The following SYN3 variants were observed in gnomAD, a reference collection of about 807,000 sequenced individuals.
The protein encoded by SYN3 is synapsin-3.
A neutral mutation model predicts 65.8 loss-of-function variants in SYN3; 35 were observed. The ratio of observed to expected loss-of-function variants is 0.53; its 90% CI spans 0.41 to 0.70. SYN3 has a LOEUF of 0.70. Ranked by LOEUF, SYN3 falls within the 30% of genes least tolerant of loss-of-function variation. The pLI, the probability that SYN3 is intolerant of heterozygous loss-of-function variation, is 0.00. For synonymous variants in SYN3, 270 were observed against 292.9 expected, an observed-to-expected ratio of 0.92 and a Z score of 0.80; for missense variants, 680 against 749.0, an observed-to-expected ratio of 0.91 and a Z score of 1.08.
chr22:33,031,585 C>T (rs2053756269), intron 1 of SYN3, among the ~76,000 whole-genome samples: 1 of 151,998 alleles, frequency 6.6e-6, no homozygotes, highest in Non-Finnish European at 1.5e-5. Flanking sequence ...TTCTGTGTCC[C>T]CCTGTCCTTT....
intron 2 of SYN3, among the ~76,000 whole-genome samples, chr22:32,995,155 G>A (rs1249818057): frequency 6.6e-6 from 1 of 152,174 alleles, no homozygotes; most frequent in East Asian, 1.9e-4. Context: ...CACAGGCAAG[G>A]AAAGCTGCTC....
At chr22:32,656,457 T>C (rs2060143392) in intron 6 of SYN3, among the ~76,000 whole-genome samples, 1 of 152,220 alleles carries the variant, frequency 6.6e-6, no homozygotes, top group Non-Finnish European at 1.5e-5. Context: ...TTTTGAAACA[T>C]GATGCAGAAA....
At chr22:32,822,932 A>G (rs571200360) in intron 6 of SYN3, among the ~76,000 whole-genome samples, 21 of 151,448 alleles carry the variant, frequency 1.4e-4, no homozygotes, top group African/African-American at 4.9e-4. Flanking sequence ...ACAACAACAA[A>G]AAAAAAACAG....
chr22:32,572,243 C>CTCCTTCCTTCCTTTCCTTCCTTCCT (rs2058769042), intron 7 of SYN3, among the ~76,000 whole-genome samples: 1 of 112,242 alleles, frequency 8.9e-6, no homozygotes, highest in African/African-American at 3.8e-5. Context: ...CAGATTCTGG[C>CTCCTTCCTTCCTTTCCTTCCTTCCT]TCCTTCCTTC....
chr22:32,642,971 G>A (rs1189966371), intron 6 of SYN3, among the ~76,000 whole-genome samples: 4 of 152,162 alleles, frequency 2.6e-5, no homozygotes, highest in African/African-American at 7.2e-5. Flanking sequence ...GTATTAATAT[G>A]CTGATCCATA....
At position 33,018,477 on chromosome 22, in the gene SYN3, CTT is replaced by C. The variant is rs758713208; in HGVS notation, c.-162-11655_-162-11654del. Among the ~76,000 whole-genome samples the C allele has an allele frequency of 1.1e-4, 17 of 152,218 alleles. 1 individual carries two copies. Among genetic ancestry groups the C allele is most frequent in the East Asian group, 3.9e-4 (2 of 5,178 alleles). On this transcript the variant is annotated intron_variant, in intron 1 of 13. Coordinates refer to ENST00000358763, the MANE Select transcript of SYN3 (RefSeq NM_003490.4). ...TGACCAGACCAGACAGAAAAAGAGA[CTT>C]TATAAGGCAAGTTTGCAAGCTTACT...
rs181743771 is a variant in SYN3 at position 33,051,551 on chromosome 22, C to T, written c.-163+6741G>A. Among the ~76,000 whole-genome samples the T allele has an allele frequency of 6.6e-3, 779 of 117,154 alleles. 2 individuals carry two copies. The highest frequency in any genetic ancestry group is 9.5e-3 in the Non-Finnish European group (552 of 58,360). 76.9% of individuals were successfully genotyped at this position (117,154 alleles called of 152,430 possible). ...TTTAGGTAGAGGCAATAATCCATTT[C>T]CCATTAAACACAAACAAAAAAAAAA... On this transcript the variant is annotated intron_variant, in intron 1 of 13. Transcript: ENST00000358763.
intron 6 of SYN3, among the ~76,000 whole-genome samples, chr22:32,731,946 A>G (rs945442058): frequency 2.0e-5 from 3 of 152,222 alleles, no homozygotes; most frequent in African/African-American, 7.2e-5. Flanking sequence ...CATGTGTAAA[A>G]TAGGGATCAA....
In SYN3 at chr22:32,546,431, C is replaced by T. The variant is rs565202414; in HGVS notation, c.775-4718G>A. 3.3e-5 allele frequency among the ~76,000 whole-genome samples: 5 copies of T among 152,294 alleles called. No homozygotes were observed. In the South Asian group the frequency reaches 8.3e-4, roughly 25 times the overall value. On this transcript the variant is annotated intron_variant, in intron 7 of 13. Coordinates refer to ENST00000358763, the MANE Select transcript of SYN3 (RefSeq NM_003490.4). Reference sequence around the variant, plus strand: ...CTTTTATAAGGTGGATATTTCCATGCATTCTTGGGTAGGTGCTACGCTCTC... The same window carrying T: ...CTTTTATAAGGTGGATATTTCCATGTATTCTTGGGTAGGTGCTACGCTCTC...
At chr22:32,552,938 T>C (rs1398930452) in intron 7 of SYN3, among the ~76,000 whole-genome samples, 4 of 152,242 alleles carry the variant, frequency 2.6e-5, no homozygotes, top group African/African-American at 9.6e-5. Flanking sequence ...CCCACAGTTC[T>C]GGAGACTGGG....
At chr22:32,741,507 C>T (rs1041768185) in intron 6 of SYN3, among the ~76,000 whole-genome samples, 1 of 151,952 alleles carries the variant, frequency 6.6e-6, no homozygotes, top group East Asian at 1.9e-4. Context: ...AGGCGCCTGC[C>T]ACCACGTCCG....
intron 6 of SYN3, among the ~76,000 whole-genome samples, chr22:32,751,107 C>T (rs572511204): frequency 2.6e-5 from 4 of 152,036 alleles, no homozygotes; most frequent in African/African-American, 9.7e-5. Flanking sequence ...CAGCCCCCAG[C>T]CCCCAGCCGG....
chr22:32,735,213 C>T (rs1161807107), intron 6 of SYN3, among the ~76,000 whole-genome samples: 1 of 152,170 alleles, frequency 6.6e-6, no homozygotes, highest in Non-Finnish European at 1.5e-5. Context: ...TGGGATCAAG[C>T]CCCATATCTG....
At chr22:32,960,551 G>T (rs2051615713) in intron 3 of SYN3, among the ~76,000 whole-genome samples, 1 of 152,196 alleles carries the variant, frequency 6.6e-6, no homozygotes, top group African/African-American at 2.4e-5. Context: ...GGGACTGTGA[G>T]TGTAAGAGCT....
At chr22:32,786,709 T>A (rs2046203228) in intron 6 of SYN3, among the ~76,000 whole-genome samples, 1 of 152,168 alleles carries the variant, frequency 6.6e-6, no homozygotes, top group South Asian at 2.1e-4. Context: ...TTTAATAATA[T>A]GTTAACATTT....
rs117010850 is a variant in SYN3 at position 32,796,583 on chromosome 22, G to C, written c.711+68332C>G. Among the ~76,000 whole-genome samples, 1,376 of 152,268 alleles carry C rather than the reference G, an allele frequency of 9.0e-3. 8 individuals are homozygous for C. Among genetic ancestry groups the C allele is most frequent in the Admixed American group, 0.014 (208 of 15,302 alleles). On this transcript the variant is annotated intron_variant, in intron 6 of 13. Coordinates refer to ENST00000358763, the MANE Select transcript of SYN3 (RefSeq NM_003490.4). ...CGCATCTTAGGCTCAGAATTGCCCA[G>C]TGCTGGGCAGCAGCCCCACTGAGGG...
intron 4 of SYN3, among the ~76,000 whole-genome samples, chr22:32,898,785 G>C (rs959848309): frequency 1.3e-5 from 2 of 152,154 alleles, no homozygotes; most frequent in African/African-American, 4.8e-5. Context: ...TGACCTCTCT[G>C]AGTTTCCATG....
chr22:32,742,273 G>GTAAATAAATAAATAAA (rs375722365), intron 6 of SYN3, among the ~76,000 whole-genome samples: 3 of 151,398 alleles, frequency 2.0e-5, no homozygotes, highest in African/African-American at 7.3e-5. Flanking sequence ...CCATCTCAAA[G>GTAAATAAATAAATAAA]TAAATAAATA....
chr22:32,949,532 G>A (rs951707173), intron 3 of SYN3, among the ~76,000 whole-genome samples: 4 of 151,914 alleles, frequency 2.6e-5, no homozygotes, highest in Non-Finnish European at 1.5e-5. Context: ...TCAGGAACAC[G>A]CCCACACACC....
Sources: allele counts gnomAD v4.1 joint callset (sites outside exome capture counted in the v4.1 genomes callset), GRCh38; gene constraint gnomAD v4.1.1; transcripts MANE v1.5; gene names NCBI Gene and HGNC (gene_info 2026-07-23, HGNC 2026-07-21).